Variants in URI1 observed in about 807,000 individuals in gnomAD.
URI1 encodes the protein URI1 prefoldin like chaperone.
In URI1, 39 loss-of-function variants were observed where a neutral mutation model predicts 60.2. The ratio of observed to expected loss-of-function variants is 0.65; its 90% CI spans 0.50 to 0.85. The LOEUF is 0.85. Among genes scored for constraint, URI1 ranks in the 40% least tolerant of loss-of-function variants. The pLI, the probability that URI1 is intolerant of heterozygous loss-of-function variation, is 0.00. For synonymous variants in URI1, 251 were observed against 236.8 expected (o/e 1.06, Z -0.55); for missense variants, 691 against 665.9 (o/e 1.04, Z -0.42).
chr19:29,953,505 C>G (rs1204691637), intron 1 of URI1, among the ~76,000 whole-genome samples: 2 of 152,144 alleles, frequency 1.3e-5, no homozygotes, highest in Non-Finnish European at 2.9e-5. Context: ...TCTGAATTCT[C>G]AACTGTGTTT....
chr19:29,952,579 A>G (rs1012714689), intron 1 of URI1, among the ~76,000 whole-genome samples: 4 of 152,182 alleles, frequency 2.6e-5, no homozygotes, highest in African/African-American at 9.7e-5. Flanking sequence ...TTAAGAACCT[A>G]TTTCTGGTGT....
chr19:29,925,166 G>C (rs544423565), intron 1 of URI1, among the ~76,000 whole-genome samples: 1 of 152,322 alleles, frequency 6.6e-6, no homozygotes, highest in Admixed American at 6.5e-5. Flanking sequence ...TTCTTGCTTG[G>C]TTAGGCAGAG....
At chr19:29,942,191 G>A, upstream of URI1, 3 of 983,200 alleles carry the variant, frequency 3.1e-6, no homozygotes, top group Non-Finnish European at 3.6e-6. Flanking sequence ...GGGCGTGTCG[G>A]GGGCGGGGCC....
At chr19:29,981,097 T>C (rs997044558) in intron 2 of URI1, among the ~76,000 whole-genome samples, 19 of 151,738 alleles carry the variant, frequency 1.3e-4, no homozygotes, top group Admixed American at 5.3e-4. Context: ...ATGTAGACTT[T>C]TTTTTTTTAA....
Position 29,942,519 on chromosome 19 carries a change from C to A in URI1, c.-29C>A, listed in dbSNP as rs1235415825. On this transcript the variant is annotated 5_prime_UTR_variant, in exon 1 of 11. Coordinates refer to ENST00000392271, the MANE Select transcript of URI1 (RefSeq NM_003796.3). ...TGCGCAGGCGCTGGTTCAGGACTCA[C>A]ACGCCGCGCTGAGGCCCGCGGGCCC... The A allele has an allele frequency of 3.0e-6, 4 of 1,350,202 alleles. No individual in the cohort carries two copies. The highest frequency in any genetic ancestry group is 3.8e-6 in the Non-Finnish European group (4 of 1,049,654). The allele number at this position is 1,350,202 out of a possible 1,614,324, so 83.6% of individuals were successfully genotyped here. A position where few individuals can be genotyped will look rare whatever the true frequency, so the allele number is the denominator to read the frequency against.
At chr19:29,938,216 C>A (rs972986106), upstream of URI1, among the ~76,000 whole-genome samples, 3 of 152,070 alleles carry the variant, frequency 2.0e-5, no homozygotes, top group Non-Finnish European at 4.4e-5. Context: ...GTGGGCCATA[C>A]AAGCATGTGG....
At position 29,932,013 on chromosome 19, in the gene URI1, ACTT is replaced by A. The variant is rs374124371; in HGVS notation, c.63+8266_63+8268del. ...ATCATCTACCAAGAGAGATAATATT[ACTT>A]CTTCTTTTCTAACTTGGCTGCCTTT... On this transcript the variant is annotated intron_variant, in intron 1 of 10. Coordinates refer to the URI1 transcript ENST00000360605. Among the ~76,000 whole-genome samples, 20 of 151,316 alleles carry A rather than the reference ACTT, an allele frequency of 1.3e-4. No homozygotes were observed. The East Asian group carries it at 3.1e-3, about 24-fold the overall frequency.
At chr19:29,930,763 C>T (rs934550476) in intron 1 of URI1, among the ~76,000 whole-genome samples, 6 of 151,890 alleles carry the variant, frequency 4.0e-5, no homozygotes, top group Admixed American at 2.0e-4. Flanking sequence ...GGTGCGATCT[C>T]GGCTCACTGC....
chr19:29,951,648 G>C (rs900171475), intron 1 of URI1, among the ~76,000 whole-genome samples: 4 of 151,874 alleles, frequency 2.6e-5, no homozygotes, highest in Non-Finnish European at 5.9e-5. Flanking sequence ...CTGGGTTCGA[G>C]TGACTCTCCT....
At chr19:29,955,828 T>C (rs2055238974) in intron 1 of URI1, among the ~76,000 whole-genome samples, 1 of 151,906 alleles carries the variant, frequency 6.6e-6, no homozygotes, top group Non-Finnish European at 1.5e-5. Flanking sequence ...TGACCTCAGG[T>C]GATGTGCCCT....
intron 2 of URI1, among the ~76,000 whole-genome samples, chr19:29,984,281 T>A (rs1161661596): frequency 6.6e-6 from 1 of 151,928 alleles, no homozygotes; most frequent in Non-Finnish European, 1.5e-5. Flanking sequence ...ATACAAAAAT[T>A]AGCTGGGCGT....
rs1364582310 is a variant in URI1, at chr19:29,977,128, CTCTCTCTCTTTT to C, written c.152+5903_152+5914del. ...AAATCTCAGGTGAAGATTTGATTTT[CTCTCTCTCTTTT>C]TTTTTTTTCCTGTTGGAGCTACTCT... On this transcript the variant is annotated intron_variant, in intron 2 of 10. Coordinates refer to ENST00000392271, the MANE Select transcript of URI1 (RefSeq NM_003796.3). Among the ~76,000 whole-genome samples, 7 of 151,468 alleles carry C rather than the reference CTCTCTCTCTTTT, an allele frequency of 4.6e-5. No homozygotes were observed. In the East Asian group the frequency reaches 1.4e-3, roughly 29 times the overall value.
At chr19:29,970,643 G>GAGC (rs746432110) in intron 1 of URI1, among the ~76,000 whole-genome samples, 1 of 151,990 alleles carries the variant, frequency 6.6e-6, no homozygotes, top group Non-Finnish European at 1.5e-5. Context: ...GAGCTGTTCA[G>GAGC]AGCATCTCCT....
chr19:29,942,053 G>C (rs1364814288), upstream of URI1, among the ~76,000 whole-genome samples: 26 of 145,808 alleles, frequency 1.8e-4, no homozygotes, highest in South Asian at 4.3e-4. Flanking sequence ...AAAAAAAAAA[G>C]AAAGAAATAT....
chr19:30,002,311 G>T (rs73543794), intron 4 of URI1, among the ~76,000 whole-genome samples: 4 of 151,894 alleles, frequency 2.6e-5, no homozygotes, highest in South Asian at 4.1e-4. Context: ...TAGGCATATC[G>T]TTTATCTTTA....
intron 6 of URI1, among the ~76,000 whole-genome samples, chr19:30,007,089 G>A (rs2055952961): frequency 6.6e-6 from 1 of 152,052 alleles, no homozygotes; most frequent in Non-Finnish European, 1.5e-5. Context: ...TCATTTATGT[G>A]TTGCATTTCG....
intron 1 of URI1, among the ~76,000 whole-genome samples, chr19:29,959,159 G>T (rs935356002): frequency 1.3e-5 from 2 of 151,906 alleles, no homozygotes; most frequent in Admixed American, 1.3e-4. Flanking sequence ...ACAGAATCTC[G>T]CTCTCATCCA....
At chr19:29,939,486 C>T (rs892133384), upstream of URI1, among the ~76,000 whole-genome samples, 5 of 151,826 alleles carry the variant, frequency 3.3e-5, no homozygotes, top group Admixed American at 6.6e-5. Flanking sequence ...GTTGGCCAGG[C>T]TGGTCTCAAA....
intron 1 of URI1, among the ~76,000 whole-genome samples, chr19:29,928,749 G>A (rs1355284864): frequency 6.6e-6 from 1 of 152,040 alleles, no homozygotes; most frequent in African/African-American, 2.4e-5. Flanking sequence ...AATATTACAT[G>A]GACATACTTA....
Sources: allele counts gnomAD v4.1 joint callset (sites outside exome capture counted in the v4.1 genomes callset), GRCh38; gene constraint gnomAD v4.1.1; transcripts MANE v1.5; gene names NCBI Gene and HGNC (gene_info 2026-07-23, HGNC 2026-07-21).